TANK: variants seen among roughly 807,000 people sequenced by gnomAD.
The protein encoded by TANK is TRAF family member-associated NF-kappa-B activator.
Under a neutral mutation model 43.6 loss-of-function variants are expected in TANK, and 15 were observed. The ratio of observed to expected loss-of-function variants is 0.34; its 90% CI spans 0.23 to 0.53. The LOEUF is 0.53. TANK is among the 20% of genes least tolerant of loss of function. The probability of loss-of-function intolerance (pLI) is 0.94; values close to 1 mark genes in which losing one functional copy is unlikely to be tolerated. For missense variants in TANK, 417 were observed against 498.6 expected (o/e 0.84, Z 1.56); for synonymous variants, 162 against 178.2 (o/e 0.91, Z 0.73).
intron 4 of TANK, among the ~76,000 whole-genome samples, chr2:161,222,398 A>T (rs984929654): frequency 1.3e-5 from 2 of 152,134 alleles, no homozygotes; most frequent in African/African-American, 4.8e-5. Context: ...TAAATTATCA[A>T]ATATAAGTAT....
intron 6 of TANK, among the ~76,000 whole-genome samples, chr2:161,225,190 G>A (rs1203800765): frequency 6.6e-6 from 1 of 152,032 alleles, no homozygotes; most frequent in African/African-American, 2.4e-5. Flanking sequence ...CTGCCTGAAA[G>A]TGCATTACAT....
chr2:161,163,449 T>A (rs1684533061), intron 1 of TANK: 1 of 152,200 alleles, frequency 6.6e-6, no homozygotes, highest in Admixed American at 6.5e-5. Flanking sequence ...GGAAAAATGC[T>A]GTAGGTAGGC....
intron 4 of TANK, among the ~76,000 whole-genome samples, chr2:161,215,666 G>A (rs1018178254): frequency 1.3e-5 from 2 of 152,086 alleles, no homozygotes; most frequent in African/African-American, 4.8e-5. Context: ...AGGATCTTCA[G>A]CTAACACTCT....
chr2:161,181,725 C>T (rs1332164598), intron 2 of TANK, among the ~76,000 whole-genome samples: 3 of 152,140 alleles, frequency 2.0e-5, no homozygotes, highest in Non-Finnish European at 4.4e-5. Context: ...TCACTTCCCA[C>T]CAGGTCCCTC....
intron 1 of TANK, among the ~76,000 whole-genome samples, chr2:161,149,573 G>A (rs566147672): frequency 6.0e-4 from 91 of 152,228 alleles, no homozygotes; most frequent in South Asian, 4.1e-3. Flanking sequence ...TAATCCTAGG[G>A]AGAAAGCTTT....
At chr2:161,187,676 A>G (rs1024694306) in intron 2 of TANK, among the ~76,000 whole-genome samples, 4 of 152,166 alleles carry the variant, frequency 2.6e-5, no homozygotes, top group African/African-American at 9.7e-5. Context: ...CAACTAGACA[A>G]AAGATCTGTA....
intron 4 of TANK, among the ~76,000 whole-genome samples, chr2:161,216,204 T>C (rs1687108740): frequency 6.6e-6 from 1 of 152,198 alleles, no homozygotes; most frequent in Non-Finnish European, 1.5e-5. Context: ...ACAGCATGTT[T>C]CCCTCTACAT....
intron 2 of TANK, among the ~76,000 whole-genome samples, chr2:161,183,000 TAACAA>T: frequency 6.6e-6 from 1 of 152,270 alleles, no homozygotes; most frequent in South Asian, 2.1e-4. Context: ...CAAAAGACTA[TAACAA>T]GAGTTGTGAG....
upstream of TANK, chr2:161,160,409 G>T (rs967612226): frequency 1.9e-5 from 24 of 1,240,790 alleles, no homozygotes; most frequent in Middle Eastern, 6.1e-4. Context: ...GGAACAAAAT[G>T]CAACTTCCGG....
At chr2:161,190,196 C>T (rs1294382779) in intron 2 of TANK, among the ~76,000 whole-genome samples, 1 of 152,066 alleles carries the variant, frequency 6.6e-6, no homozygotes, top group East Asian at 1.9e-4. Context: ...ATACAGATGG[C>T]CAATAAGCAT....
At chr2:161,139,626 T>C (rs1683682708) in intron 1 of TANK, 3 of 877,212 alleles carry the variant, frequency 3.4e-6, no homozygotes, top group East Asian at 2.4e-4. Context: ...AAATTGGTAG[T>C]TCAAAATAAA....
chr2:161,194,283 T>C (rs1686047826), intron 2 of TANK, among the ~76,000 whole-genome samples: 1 of 152,034 alleles, frequency 6.6e-6, no homozygotes, highest in East Asian at 1.9e-4. Flanking sequence ...AATCTCTTTG[T>C]TGAGAAGAGA....
intron 1 of TANK, among the ~76,000 whole-genome samples, chr2:161,148,071 CTA>C (rs1439543484): frequency 6.6e-6 from 1 of 152,076 alleles, no homozygotes; most frequent in Non-Finnish European, 1.5e-5. Context: ...TTTGGTAATT[CTA>C]TGTTTAGCAT....
exon 1 of TANK, chr2:161,136,995 A>T: frequency 1.0e-6 from 1 of 985,406 alleles, no homozygotes; most frequent in Non-Finnish European, 1.2e-6. Flanking sequence ...AACACTTTAC[A>T]ACTGTGTAAC....
intron 1 of TANK, among the ~76,000 whole-genome samples, chr2:161,147,337 T>C (rs1184157623): frequency 6.6e-6 from 1 of 152,212 alleles, no homozygotes; most frequent in Non-Finnish European, 1.5e-5. Context: ...GCTGCAGCTG[T>C]GGTGCTGACT....
intron 4 of TANK, among the ~76,000 whole-genome samples, chr2:161,222,462 C>A (rs975232640): frequency 2.6e-5 from 4 of 152,012 alleles, no homozygotes; most frequent in East Asian, 1.9e-4. Context: ...ATAATAAAAT[C>A]TTTTAAAAGT....
chr2:161,138,844 C>A lies in TANK; in HGVS notation c.-50+1781C>A, dbSNP rs1011289401. 4.6e-5 allele frequency among the ~76,000 whole-genome samples: 7 copies of A among 152,330 alleles called. No individual in the cohort carries two copies. In the East Asian group the frequency reaches 5.8e-4, roughly 13 times the overall value. ...TATGCACTAATTTGAGGAAAGTGAT[C>A]ATCCTTATAGCATAGAAACTTCCTG... On this transcript the variant is annotated intron_variant, in intron 1 of 7. Coordinates refer to the TANK transcript ENST00000259075.
rs188371717 is a variant in TANK, at chr2:161,221,914, A to G, written c.328-2001A>G. On this transcript the variant is annotated intron_variant, in intron 4 of 7. Transcript: ENST00000392749. The stretch of plus-strand genomic sequence containing the variant: ...CTGAAGACCTTAGTTTAGATACGTC[A>G]TAGGAATTCCTTAAGGAGTCCTCCT... 2.5e-3 allele frequency among the ~76,000 whole-genome samples: 378 copies of G among 152,252 alleles called. 5 individuals are homozygous for G. Among genetic ancestry groups the G allele is most frequent in the Middle Eastern group, 6.8e-3 (2 of 294 alleles).
chr2:161,162,591 A>G (rs1389212817), intron 1 of TANK: 2 of 151,928 alleles, frequency 1.3e-5, no homozygotes, highest in East Asian at 3.9e-4. Flanking sequence ...GCCATCCTTT[A>G]TCTTGTTTCT....
Sources: gnomAD v4.1 joint callset for allele counts (sites outside exome capture counted in the v4.1 genomes callset) on GRCh38, gnomAD v4.1.1 for gene constraint, MANE v1.5 for transcripts, NCBI Gene and HGNC (gene_info 2026-07-23, HGNC 2026-07-21) for gene names.